The following HOMER1 variants were observed in gnomAD, a reference collection of about 807,000 sequenced individuals.
HOMER1 encodes the protein homer protein homolog 1.
Under a neutral mutation model 48.9 loss-of-function variants are expected in HOMER1, and 3 were observed. The ratio of observed to expected loss-of-function variants is 0.06; its 90% confidence interval spans 0.03 to 0.16. The LOEUF (loss-of-function observed/expected upper bound fraction) is 0.16. HOMER1 is among the 10% of genes least tolerant of loss of function. The probability of loss-of-function intolerance (pLI) is 1.00; values close to 1 mark genes in which losing one functional copy is unlikely to be tolerated. For synonymous variants in HOMER1, 134 were observed against 146.4 expected (o/e 0.92, Z 0.61); for missense variants, 247 against 411.4 (o/e 0.60, Z 3.46).
Position 79,375,126 on chromosome 5 carries a change from T to C in HOMER1, c.*883A>G, listed in dbSNP as rs1397122229. ...ATTTCTTGCAAAATATATAAATAAA[T>C]GTAACTGCATATTCTGTAAATATAC... On this transcript the variant is annotated 3_prime_UTR_variant, in exon 9 of 9. Transcript: ENST00000334082. The C allele has an allele frequency of 6.6e-6, 1 of 152,102 alleles. No homozygotes were observed. Among genetic ancestry groups the C allele is most frequent in the African/African-American group, 2.4e-5 (1 of 41,442 alleles). The allele number at this position is 152,102 out of a possible 1,614,324, so 9.4% of individuals were successfully genotyped here. A position where few individuals can be genotyped will look rare whatever the true frequency, so the allele number is the denominator to read the frequency against.
chr5:79,399,785 TCAAGA>T (rs1000672146), intron 6 of HOMER1, among the ~76,000 whole-genome samples: 79 of 152,108 alleles, frequency 5.2e-4, no homozygotes, highest in African/African-American at 1.9e-3. Context: ...TAACTTATAA[TCAAGA>T]CAAAATTTAT....
At chr5:79,447,198 C>T in intron 3 of HOMER1, 53 bp from the exon 4 acceptor site, 1 of 1,041,052 alleles carries the variant, frequency 9.6e-7, no homozygotes, top group African/African-American at 1.6e-5. Context: ...GTCACAGTGC[C>T]CACTTTTACC....
At chr5:79,409,764 G>A (rs1235335388) in intron 5 of HOMER1, among the ~76,000 whole-genome samples, 1 of 152,274 alleles carries the variant, frequency 6.6e-6, no homozygotes, top group South Asian at 2.1e-4. Context: ...CTAAGCACTT[G>A]AAAAGATGTT....
chr5:79,438,805 C>T (rs1750663771), intron 5 of HOMER1, among the ~76,000 whole-genome samples: 1 of 150,834 alleles, frequency 6.6e-6, no homozygotes, highest in African/African-American at 2.4e-5. Flanking sequence ...CACTGCAGTC[C>T]ATCTATGCAA....
chr5:79,377,698 C>G (rs1245855891), intron 8 of HOMER1, among the ~76,000 whole-genome samples: 1 of 151,902 alleles, frequency 6.6e-6, no homozygotes, highest in Non-Finnish European at 1.5e-5. Context: ...CACTGAAAGA[C>G]AATCTGGTAA....
chr5:79,510,222 T>C (rs1752900438), intron 1 of HOMER1, among the ~76,000 whole-genome samples: 1 of 151,692 alleles, frequency 6.6e-6, no homozygotes, highest in South Asian at 2.1e-4. Flanking sequence ...CACAAAATGC[T>C]CGCTCCTTTT....
chr5:79,511,382 C>T (rs1339221788), intron 1 of HOMER1, among the ~76,000 whole-genome samples: 1 of 152,170 alleles, frequency 6.6e-6, no homozygotes, highest in African/African-American at 2.4e-5. Context: ...CTTGCAGAAA[C>T]CAACTAGTGA....
chr5:79,393,405 A>G (rs940343186), intron 8 of HOMER1, among the ~76,000 whole-genome samples: 5 of 152,222 alleles, frequency 3.3e-5, no homozygotes, highest in Non-Finnish European at 7.3e-5. Context: ...AGATTTGGGC[A>G]AAGAATTCCA....
chr5:79,413,765 T>C (rs1749869856), intron 5 of HOMER1, among the ~76,000 whole-genome samples: 1 of 152,064 alleles, frequency 6.6e-6, no homozygotes, highest in Non-Finnish European at 1.5e-5. Flanking sequence ...CTGTTGGCCC[T>C]AAGCTATAAT....
chr5:79,395,695 A>G (rs1749366077), intron 8 of HOMER1, among the ~76,000 whole-genome samples: 1 of 152,216 alleles, frequency 6.6e-6, no homozygotes, highest in Non-Finnish European at 1.5e-5. Flanking sequence ...GACTACTAAA[A>G]TAATGTATTT....
chr5:79,394,673 G>C lies in HOMER1; in HGVS notation c.876+2150C>G, dbSNP rs141916988. Among the ~76,000 whole-genome samples the C allele has an allele frequency of 5.7e-4, 87 of 152,224 alleles. No homozygotes were observed. The East Asian group carries it at 0.015, about 26-fold the overall frequency. On this transcript the variant is annotated intron_variant, in intron 8 of 8. Transcript: ENST00000334082. ...GCTCACTGCAACTCCCAACTCAAGC[G>C]AGGCTCAAGTGATCCAAGCAGCTGG...
chr5:79,463,472 A>G (rs1162644593), intron 1 of HOMER1, among the ~76,000 whole-genome samples: 1 of 152,214 alleles, frequency 6.6e-6, no homozygotes, highest in East Asian at 1.9e-4. Flanking sequence ...AGCATACGGA[A>G]AAACAAAGAC....
chr5:79,500,959 GACAGACACAC>G (rs145507365), intron 1 of HOMER1, among the ~76,000 whole-genome samples: 22,596 of 129,668 alleles, frequency 0.17, 2,170 homozygotes, highest in East Asian at 0.51. Context: ...GTGTGAGACA[GACAGACACAC>G]ACACACACAC....
intron 5 of HOMER1, among the ~76,000 whole-genome samples, chr5:79,416,031 A>T (rs1396894921): frequency 1.3e-5 from 2 of 152,226 alleles, no homozygotes; most frequent in East Asian, 1.9e-4. Context: ...TGGGACACTC[A>T]GATGGTAGTA....
chr5:79,373,037 G>T lies in HOMER1; in HGVS notation c.*2972C>A, dbSNP rs1189817628. On this transcript the variant is annotated 3_prime_UTR_variant, in exon 9 of 9. Transcript: ENST00000334082. ...GTGAGCATGTTTTAGTCTGCAGAAAGAAAGTGGAAAAGAGAAAGAGAGAGA... is the reference window on the plus strand; with the variant it reads ...GTGAGCATGTTTTAGTCTGCAGAAATAAAGTGGAAAAGAGAAAGAGAGAGA... 6.6e-6 allele frequency: 1 copy of T among 152,078 alleles called. No homozygotes were observed. Among genetic ancestry groups the T allele is most frequent in the Non-Finnish European group, 1.5e-5 (1 of 67,984 alleles). 9.4% of individuals were successfully genotyped at this position (152,078 alleles called of 1,614,324 possible). A position where few individuals can be genotyped will look rare whatever the true frequency, so the allele number is the denominator to read the frequency against.
chr5:79,496,429 G>C (rs893652597), intron 1 of HOMER1, among the ~76,000 whole-genome samples: 1 of 152,172 alleles, frequency 6.6e-6, no homozygotes, highest in Non-Finnish European at 1.5e-5. Flanking sequence ...GTATATAACA[G>C]AAGAATATAC....
chr5:79,422,042 C>T (rs1250293138), intron 5 of HOMER1, among the ~76,000 whole-genome samples: 1 of 152,084 alleles, frequency 6.6e-6, no homozygotes, highest in East Asian at 1.9e-4. Context: ...GCCTGACCAA[C>T]ATGGTGAAAC....
chr5:79,437,010 T>G (rs1205750629), intron 5 of HOMER1, among the ~76,000 whole-genome samples: 1 of 152,212 alleles, frequency 6.6e-6, no homozygotes, highest in Non-Finnish European at 1.5e-5. Flanking sequence ...CCATGACTCA[T>G]CTATAAATTC....
chr5:79,398,071 G>A (rs979855091), intron 6 of HOMER1, among the ~76,000 whole-genome samples: 1 of 152,098 alleles, frequency 6.6e-6, no homozygotes, highest in Non-Finnish European at 1.5e-5. Flanking sequence ...GAATCTGGAA[G>A]AGAAAATAGG....
Sources: gnomAD v4.1 joint callset for allele counts (sites outside exome capture counted in the v4.1 genomes callset) on GRCh38, gnomAD v4.1.1 for gene constraint, MANE v1.5 for transcripts, NCBI Gene and HGNC (gene_info 2026-07-23, HGNC 2026-07-21) for gene names.